The following CNTNAP5 variants were observed in gnomAD, a reference collection of about 807,000 sequenced individuals.
CNTNAP5 encodes the protein contactin associated protein family member 5, also known as contactin-associated protein-like 5.
In CNTNAP5, 72 loss-of-function variants were observed where a neutral mutation model predicts 150.2. The observed-to-expected ratio is 0.48, with a 90% CI of 0.40 to 0.58. CNTNAP5 has a LOEUF of 0.58. Ranked by LOEUF, CNTNAP5 falls within the 20% of genes least tolerant of loss-of-function variation. CNTNAP5 has a pLI of 0.00. For missense variants in CNTNAP5, 1,636 were observed against 1,626.2 expected (o/e 1.01, Z -0.10); for synonymous variants, 672 against 619.8 (o/e 1.08, Z -1.25).
chr2:124,250,923 C>T (rs930032039), intron 3 of CNTNAP5, among the ~76,000 whole-genome samples: 7 of 151,852 alleles, frequency 4.6e-5, no homozygotes, highest in Non-Finnish European at 7.4e-5. Flanking sequence ...CTCTTAAGTA[C>T]GGTTTCCAGT....
intron 21 of CNTNAP5, among the ~76,000 whole-genome samples, chr2:124,900,490 T>C (rs924683857): frequency 9.2e-5 from 14 of 151,574 alleles, no homozygotes; most frequent in African/African-American, 3.4e-4. Flanking sequence ...GTTTCTGTCC[T>C]TATAGTACAT....
chr2:124,324,734 G>T (rs1189700664), intron 3 of CNTNAP5, among the ~76,000 whole-genome samples: 1 of 152,172 alleles, frequency 6.6e-6, no homozygotes, highest in East Asian at 1.9e-4. Context: ...GACAGAGAAG[G>T]CAAGCAGGAG....
intron 3 of CNTNAP5, among the ~76,000 whole-genome samples, chr2:124,408,314 C>A (rs1182994249): frequency 1.3e-5 from 2 of 150,028 alleles, no homozygotes; most frequent in African/African-American, 4.9e-5. Flanking sequence ...GGGAGGGGCG[C>A]CCGCCATTGC....
chr2:124,776,632 G>A (rs1475252470), intron 17 of CNTNAP5, among the ~76,000 whole-genome samples: 1 of 152,136 alleles, frequency 6.6e-6, no homozygotes, highest in Non-Finnish European at 1.5e-5. Context: ...TTTTATGCTT[G>A]TGAGTGCCTC....
chr2:124,690,173 T>G (rs1157824912), intron 13 of CNTNAP5, among the ~76,000 whole-genome samples: 1 of 152,116 alleles, frequency 6.6e-6, no homozygotes, highest in Non-Finnish European at 1.5e-5. Flanking sequence ...AAAAACACAT[T>G]AAGTATCAGC....
At chr2:124,775,734 C>T (rs1681308010) in intron 17 of CNTNAP5, among the ~76,000 whole-genome samples, 1 of 152,168 alleles carries the variant, frequency 6.6e-6, no homozygotes, top group Non-Finnish European at 1.5e-5. Context: ...GCAACCATGT[C>T]ATTTCACCAG....
At chr2:124,359,186 C>G (rs1456789102) in intron 3 of CNTNAP5, among the ~76,000 whole-genome samples, 1 of 151,778 alleles carries the variant, frequency 6.6e-6, no homozygotes, top group Non-Finnish European at 1.5e-5. Flanking sequence ...CTATTTGATC[C>G]TTCTCTCTTT....
intron 3 of CNTNAP5, among the ~76,000 whole-genome samples, chr2:124,310,308 G>C (rs936626005): frequency 1.3e-5 from 2 of 152,056 alleles, no homozygotes; most frequent in Non-Finnish European, 2.9e-5. Context: ...CTGTGTTTTT[G>C]TGAGTGGAAA....
chr2:124,084,494 C>T (rs568159352), intron 1 of CNTNAP5, among the ~76,000 whole-genome samples: 150 of 152,154 alleles, frequency 9.9e-4, no homozygotes, highest in Middle Eastern at 3.4e-3. Context: ...TGGTCTCAAA[C>T]TCCTGGACTC....
chr2:124,665,749 G>A (rs13008849), intron 13 of CNTNAP5, among the ~76,000 whole-genome samples: 37,620 of 151,812 alleles, frequency 0.25, 4,923 homozygotes, highest in African/African-American at 0.33. Flanking sequence ...AGCCGGGCGT[G>A]GTGGCGGGCA....
intron 3 of CNTNAP5, among the ~76,000 whole-genome samples, chr2:124,289,181 A>G (rs1250122657): frequency 6.6e-6 from 1 of 152,190 alleles, no homozygotes; most frequent in Non-Finnish European, 1.5e-5. Context: ...GGTGTCTGGT[A>G]TATATATTTT....
chr2:124,740,964 TACACA>T (rs1680485885), intron 13 of CNTNAP5, among the ~76,000 whole-genome samples: 2 of 152,154 alleles, frequency 1.3e-5, no homozygotes, highest in African/African-American at 4.8e-5. Context: ...TCCATGGAGC[TACACA>T]AGTAGCAAGG....
At chr2:124,427,551 G>C (rs771033167) in intron 4 of CNTNAP5, among the ~76,000 whole-genome samples, 6 of 151,944 alleles carry the variant, frequency 3.9e-5, no homozygotes, top group Non-Finnish European at 7.4e-5. Flanking sequence ...CTGCCTCCCG[G>C]GTTCAAGCAA....
Position 124,052,164 on chromosome 2 carries a change from G to A in CNTNAP5, c.82+26432G>A, listed in dbSNP as rs369362751. ...TGACAAAAGTCCCTGGGCCCACACT[G>A]GTCTGCAGATAACATCTGGAGTAGC... is the stretch of plus-strand genomic sequence containing the variant. On this transcript the variant is annotated intron_variant, in intron 1 of 23. Transcript: ENST00000682447. Among the ~76,000 whole-genome samples the A allele has an allele frequency of 1.8e-4, 28 of 152,226 alleles. 2 individuals are homozygous for A. The South Asian group carries it at 5.8e-3, about 32-fold the overall frequency.
rs779054249 is a variant in CNTNAP5 at position 124,919,136 on chromosome 2, C to T, written c.*4848C>T. Among the ~76,000 whole-genome samples, 6 of 152,014 alleles carry T rather than the reference C, an allele frequency of 3.9e-5. No individual in the cohort carries two copies. Among genetic ancestry groups the T allele is most frequent in the Non-Finnish European group, 7.4e-5 (5 of 67,982 alleles). On this transcript the variant is annotated 3_prime_UTR_variant, in exon 24 of 24. Transcript: ENST00000682447. ...GGAAAAAATGCAACACACACACGCA[C>T]GCTCACATGCACACTTTGTACAAAT...
At chr2:124,209,785 G>A (rs1685960457) in intron 1 of CNTNAP5, among the ~76,000 whole-genome samples, 1 of 152,152 alleles carries the variant, frequency 6.6e-6, no homozygotes, top group Admixed American at 6.6e-5. Flanking sequence ...CCTCCTAGTG[G>A]AGGTGGAGTA....
chr2:124,455,798 G>A (rs546122914), intron 6 of CNTNAP5, among the ~76,000 whole-genome samples: 58 of 152,160 alleles, frequency 3.8e-4, no homozygotes, highest in African/African-American at 1.4e-3. Context: ...TACATAAACA[G>A]AATAAAAACC....
chr2:124,895,652 T>A (rs1397508897), intron 21 of CNTNAP5, among the ~76,000 whole-genome samples: 2 of 151,478 alleles, frequency 1.3e-5, no homozygotes, highest in African/African-American at 4.9e-5. Flanking sequence ...GGTGGTTAGT[T>A]ACAAGCAAAA....
At chr2:124,330,028 A>G (rs932398187) in intron 3 of CNTNAP5, among the ~76,000 whole-genome samples, 1 of 152,176 alleles carries the variant, frequency 6.6e-6, no homozygotes, top group Non-Finnish European at 1.5e-5. Flanking sequence ...TCGCCCCAAA[A>G]TTGTACCTGT....
Sources: allele counts gnomAD v4.1 joint callset (sites outside exome capture counted in the v4.1 genomes callset), GRCh38; gene constraint gnomAD v4.1.1; transcripts MANE v1.5; gene names NCBI Gene and HGNC (gene_info 2026-07-23, HGNC 2026-07-21).